Variants in ZNF423 observed in about 807,000 individuals in gnomAD.
ZNF423 encodes the protein Ebf-associated zinc finger protein.
Under a neutral mutation model 95.8 loss-of-function variants are expected in ZNF423, and 12 were observed. The ratio of observed to expected loss-of-function variants is 0.13; its 90% CI spans 0.08 to 0.20. ZNF423 has a LOEUF of 0.20. Among genes scored for constraint, ZNF423 ranks in the 10% least tolerant of loss-of-function variants. The pLI, the probability that ZNF423 is intolerant of heterozygous loss-of-function variation, is 1.00. For missense variants in ZNF423, 1,316 were observed against 1,737.1 expected, an observed-to-expected ratio of 0.76 and a Z score of 4.31; for synonymous variants, 749 against 711.9, an observed-to-expected ratio of 1.05 and a Z score of -0.83.
chr16:49,739,677 G>GT (rs977653979), intron 2 of ZNF423, among the ~76,000 whole-genome samples: 6 of 136,672 alleles, frequency 4.4e-5, no homozygotes, highest in Admixed American at 3.1e-4. Flanking sequence ...CAACACGTTT[G>GT]TTTTTTTGTT....
chr16:49,859,161 C>A (rs916525085), upstream of ZNF423, among the ~76,000 whole-genome samples: 1 of 152,242 alleles, frequency 6.6e-6, no homozygotes, highest in African/African-American at 2.4e-5. Context: ...TGGTTGGAGT[C>A]CCACGGGGCT....
chr16:49,773,114 T>G (rs370949049), intron 2 of ZNF423, among the ~76,000 whole-genome samples: 5 of 151,936 alleles, frequency 3.3e-5, no homozygotes, highest in African/African-American at 9.7e-5. Context: ...AGGTCAGGAG[T>G]TCGAGACCAG....
intron 3 of ZNF423, among the ~76,000 whole-genome samples, chr16:49,690,058 G>A (rs1429219415): frequency 2.6e-5 from 4 of 152,156 alleles, no homozygotes; most frequent in Non-Finnish European, 4.4e-5. Context: ...GGGGTGTCCT[G>A]TTCTACACAA....
intron 5 of ZNF423, among the ~76,000 whole-genome samples, chr16:49,560,983 G>A (rs1319281285): frequency 1.3e-5 from 2 of 152,224 alleles, no homozygotes; most frequent in African/African-American, 4.8e-5. Flanking sequence ...ATTCACTAAA[G>A]GAGGCTGGCA....
intron 3 of ZNF423, among the ~76,000 whole-genome samples, chr16:49,685,749 A>G (rs2031540220): frequency 6.6e-6 from 1 of 152,096 alleles, no homozygotes; most frequent in African/African-American, 2.4e-5. Flanking sequence ...CCCGTCCTTG[A>G]CAGGGCATTG....
intron 5 of ZNF423, among the ~76,000 whole-genome samples, chr16:49,617,366 C>A (rs1464210925): frequency 1.3e-5 from 2 of 152,210 alleles, no homozygotes; most frequent in African/African-American, 4.8e-5. Flanking sequence ...TAAGGCTCAG[C>A]CAGAAGCAGG....
At chr16:49,739,530 G>A (rs888318209) in intron 2 of ZNF423, among the ~76,000 whole-genome samples, 2 of 152,084 alleles carry the variant, frequency 1.3e-5, no homozygotes, top group Admixed American at 6.5e-5. Flanking sequence ...AGTAAGGTGC[G>A]AGCCACCTCC....
intron 5 of ZNF423, among the ~76,000 whole-genome samples, chr16:49,562,384 T>C (rs1235158800): frequency 6.6e-6 from 1 of 152,238 alleles, no homozygotes; most frequent in Non-Finnish European, 1.5e-5. Flanking sequence ...CATCTGTCTC[T>C]TAGGACACAG....
At chr16:49,644,342 G>A (rs564533610) in intron 3 of ZNF423, among the ~76,000 whole-genome samples, 77 of 152,182 alleles carry the variant, frequency 5.1e-4, no homozygotes, top group African/African-American at 1.6e-3. Context: ...GAGCTGGGCA[G>A]TTCCATCTGT....
At chr16:49,851,238 T>C (rs981883259) in intron 1 of ZNF423, among the ~76,000 whole-genome samples, 1 of 152,174 alleles carries the variant, frequency 6.6e-6, no homozygotes, top group Non-Finnish European at 1.5e-5. Context: ...AGGGAACTGG[T>C]CCTAACACTG....
At chr16:49,712,317 C>T (rs1299390618) in intron 3 of ZNF423, among the ~76,000 whole-genome samples, 1 of 152,094 alleles carries the variant, frequency 6.6e-6, no homozygotes, top group Non-Finnish European at 1.5e-5. Flanking sequence ...GGCTCGCGTG[C>T]CTGAGCAGGT....
chr16:49,670,049 C>T (rs116480444), intron 3 of ZNF423, among the ~76,000 whole-genome samples: 311 of 152,092 alleles, frequency 2.0e-3, no homozygotes, highest in African/African-American at 7.1e-3. Context: ...GCAGTGGCCC[C>T]ACCACGAGAA....
At chr16:49,738,603 G>A (rs549521746) in intron 2 of ZNF423, among the ~76,000 whole-genome samples, 2 of 152,226 alleles carry the variant, frequency 1.3e-5, no homozygotes, top group Admixed American at 6.5e-5. Context: ...GTGGGGTTTC[G>A]AGGGGATAGG....
In ZNF423 at chr16:49,781,708, A is replaced by G. The variant is rs950759185; in HGVS notation, c.100+7779T>C. On this transcript the variant is annotated intron_variant, in intron 2 of 7. Coordinates refer to ENST00000563137, the MANE Select transcript of ZNF423 (RefSeq NM_001379286.1). ...TCTGGACATTTCTATCCATTTCCCCAGCCAAAACCTCGGGGCAAAGGACTG... is the reference window on the plus strand; with the variant it reads ...TCTGGACATTTCTATCCATTTCCCCGGCCAAAACCTCGGGGCAAAGGACTG... Among the ~76,000 whole-genome samples the G allele has an allele frequency of 1.3e-5, 2 of 152,200 alleles. 1 individual carries two copies. The highest frequency in any genetic ancestry group is 2.9e-5 in the Non-Finnish European group (2 of 68,028).
chr16:49,491,950 A>T (rs1966989780), intron 7 of ZNF423, among the ~76,000 whole-genome samples: 1 of 152,178 alleles, frequency 6.6e-6, no homozygotes, highest in Non-Finnish European at 1.5e-5. Context: ...GTCACATGGC[A>T]ATGGCCCAAC....
intron 1 of ZNF423, among the ~76,000 whole-genome samples, chr16:49,810,714 G>A (rs769170544): frequency 3.0e-4 from 45 of 152,124 alleles, no homozygotes; most frequent in Non-Finnish European, 6.2e-4. Flanking sequence ...AATAAATACA[G>A]GTGAGTACTC....
At chr16:49,500,918 T>C (rs1476951858) in intron 7 of ZNF423, among the ~76,000 whole-genome samples, 1 of 151,178 alleles carries the variant, frequency 6.6e-6, no homozygotes, top group Non-Finnish European at 1.5e-5. Context: ...AAAAAGGCTA[T>C]TGGGTGGACG....
In ZNF423 at chr16:49,677,132, C is replaced by T. The variant is rs144299336; in HGVS notation, c.302-38258G>A. Among the ~76,000 whole-genome samples the T allele has an allele frequency of 1.8e-3, 277 of 150,124 alleles. 1 individual carries two copies. Among genetic ancestry groups the T allele is most frequent in the African/African-American group, 6.3e-3 (258 of 40,728 alleles). ...ACCCAGAAGGCTGAGGCAGGAGAAT[C>T]GCTGGAACCCGGGAGGCGAAGGCTG... On this transcript the variant is annotated intron_variant, in intron 3 of 7. Coordinates refer to ENST00000563137, the MANE Select transcript of ZNF423 (RefSeq NM_001379286.1).
chr16:49,743,001 T>A (rs1377323828), intron 2 of ZNF423, among the ~76,000 whole-genome samples: 2 of 152,150 alleles, frequency 1.3e-5, no homozygotes, highest in Non-Finnish European at 1.5e-5. Flanking sequence ...GGGCCTCAGC[T>A]GCCCCATCTG....
Sources: allele counts gnomAD v4.1 joint callset (sites outside exome capture counted in the v4.1 genomes callset), GRCh38; gene constraint gnomAD v4.1.1; transcripts MANE v1.5; gene names NCBI Gene and HGNC (gene_info 2026-07-23, HGNC 2026-07-21).